Variants in PACS2 observed in about 807,000 individuals in gnomAD.
PACS2 encodes phosphofurin acidic cluster sorting protein 2.
In PACS2, 36 loss-of-function variants were observed where a neutral mutation model predicts 113.0. The ratio of observed to expected loss-of-function variants is 0.32; its 90% CI spans 0.24 to 0.42. PACS2 has a LOEUF of 0.42. PACS2 is among the 10% of genes least tolerant of loss of function. The pLI, the probability that PACS2 is intolerant of heterozygous loss-of-function variation, is 1.00. For synonymous variants in PACS2, 589 were observed against 536.1 expected, an observed-to-expected ratio of 1.10 and a Z score of -1.36; for missense variants, 1,015 against 1,239.5, an observed-to-expected ratio of 0.82 and a Z score of 2.72.
At chr14:105,375,817 G>A (rs1205592178) in intron 8 of PACS2, among the ~76,000 whole-genome samples, 3 of 152,200 alleles carry the variant, frequency 2.0e-5, no homozygotes, top group Admixed American at 6.5e-5. Context: ...CCACTCAGAC[G>A]TTCACAGCAG....
chr14:105,350,083 T>TTCCGGGAGCGCGTGGCTAATAGCA (rs1555403608), intron 2 of PACS2, among the ~76,000 whole-genome samples: 1 of 136,926 alleles, frequency 7.3e-6, no homozygotes, highest in African/African-American at 2.7e-5. Flanking sequence ...GATAGCAGGA[T>TTCCGGGAGCGCGTGGCTAATAGCA]GGAAGCGTCT....
At chr14:105,342,264 G>GTGTGTGTGTGTT (rs1566920040) in intron 1 of PACS2, among the ~76,000 whole-genome samples, 5 of 151,838 alleles carry the variant, frequency 3.3e-5, no homozygotes, top group African/African-American at 1.2e-4. Flanking sequence ...GTGTGTGTGT[G>GTGTGTGTGTGTT]TGTGTGTCTA....
At chr14:105,384,501 G>A in intron 17 of PACS2, 38 bp downstream of exon 17, 1 of 1,404,766 alleles carries the variant, frequency 7.1e-7, no homozygotes, top group Non-Finnish European at 1.0e-6. Context: ...CGCCACGGCG[G>A]GAGGAAGGGG....
chr14:105,393,178 G>A (rs373125119), intron 23 of PACS2, 44 bp from the exon 24 acceptor site: 26 of 1,495,474 alleles, frequency 1.7e-5, no homozygotes, highest in Middle Eastern at 1.7e-4. Context: ...CCCCAGCCCC[G>A]AAGGAGCAGC....
chr14:105,301,618 G>A (rs587732323), intron 1 of PACS2, among the ~76,000 whole-genome samples: 1 of 152,212 alleles, frequency 6.6e-6, no homozygotes. Context: ...CGCTCCGCTC[G>A]CCCAGGTTCC....
chr14:105,348,654 C>A lies in PACS2; in HGVS notation c.207+74C>A. 2 of 1,097,372 alleles carry A rather than the reference C, an allele frequency of 1.8e-6. No individual in the cohort carries two copies. Among genetic ancestry groups the A allele is most frequent in the Non-Finnish European group, 2.8e-6 (2 of 720,746 alleles). The allele number at this position is 1,097,372 out of a possible 1,614,324, so 68.0% of individuals were successfully genotyped here. A position where few individuals can be genotyped will look rare whatever the true frequency, so the allele number is the denominator to read the frequency against. On this transcript the variant is annotated intron_variant, in intron 2 of 24. Transcript: ENST00000447393. This position sits in a 1 kb window ranked among gnomAD's most constrained non-coding sequence, Gnocchi z 6.4. ...CCATGTGCCTGGGAGACGAGTCAGG[C>A]GGTGCGCTACTGTGGGGCCTTGTGC...
upstream of PACS2, among the ~76,000 whole-genome samples, chr14:105,309,776 C>CTTTTTT (rs928875653): frequency 1.1e-5 from 1 of 89,212 alleles, no homozygotes; most frequent in East Asian, 3.6e-4. The surrounding 1 kb of genome is among the most constrained non-coding windows in gnomAD (Gnocchi z 4.0). Flanking sequence ...TGATGTGTGT[C>CTTTTTT]TTTTTTTTTT....
In PACS2 at chr14:105,394,884, G is replaced by A. The variant is rs369247691; in HGVS notation, c.*212G>A. 304 of 541,852 alleles carry A rather than the reference G, an allele frequency of 5.6e-4. No homozygotes were observed. Among genetic ancestry groups the A allele is most frequent in the Non-Finnish European group, 4.8e-4 (144 of 298,910 alleles). 33.6% of individuals were successfully genotyped at this position (541,852 alleles called of 1,614,324 possible). ...GCTTATTAACCCGAACGTTCGGCCC[G>A]GGGCTGGGAAGCCAGAAGGACGATG... On this transcript the variant is annotated 3_prime_UTR_variant, in exon 25 of 25. Transcript: ENST00000447393.
intron 1 of PACS2, among the ~76,000 whole-genome samples, chr14:105,319,381 T>C (rs190042643): frequency 4.6e-5 from 7 of 152,366 alleles, no homozygotes; most frequent in African/African-American, 1.7e-4. Flanking sequence ...AGCTATTTAC[T>C]TAGGTCTTGA....
At chr14:105,344,692 C>T (rs1396587598) in intron 1 of PACS2, among the ~76,000 whole-genome samples, 2 of 152,142 alleles carry the variant, frequency 1.3e-5, no homozygotes, top group African/African-American at 2.4e-5. Context: ...TATTGATCTT[C>T]CCAAAGAACT....
intron 1 of PACS2, among the ~76,000 whole-genome samples, chr14:105,343,170 G>A (rs190111959): frequency 4.9e-4 from 75 of 152,230 alleles, no homozygotes; most frequent in African/African-American, 1.7e-3. Context: ...CTCTTGACAC[G>A]GGCGTCTCTC....
chr14:105,307,961 T>C (rs995340126), intron 1 of PACS2, among the ~76,000 whole-genome samples: 1 of 151,984 alleles, frequency 6.6e-6, no homozygotes. Context: ...GGTGGGAGGA[T>C]AGCTTGAGCC....
At chr14:105,304,992 C>T (rs1354579403) in intron 1 of PACS2, among the ~76,000 whole-genome samples, 1 of 152,186 alleles carries the variant, frequency 6.6e-6, no homozygotes, top group Non-Finnish European at 1.5e-5. Context: ...ATGTGTGTTC[C>T]CCCAAAGTCC....
In PACS2 at chr14:105,348,565, C is replaced by G; in HGVS notation, c.192C>G (p.Ile64Met). 6.2e-7 allele frequency: 1 copy of G among 1,611,380 alleles called. No individual in the cohort carries two copies. The highest frequency in any genetic ancestry group is 1.7e-4 in the Middle Eastern group (1 of 6,058). The change falls in exon 2 of 25, where the codon ATC (isoleucine) becomes ATG (methionine). Residue 64 changes from isoleucine (I) to methionine (M), a missense_variant. Physicochemically the swap from Ile to Met is conservative, Grantham distance 10. Transcript: ENST00000447393. This position sits in a 1 kb window ranked among gnomAD's most constrained non-coding sequence, Gnocchi z 6.4. Reference protein sequence around the residue: ...ELEKELISVVIAVKMQGSKRI... With the variant: ...ELEKELISVVMAVKMQGSKRI... ...AGAAGGAGCTGATCTCCGTGGTGAT[C>G]GCTGTCAAGATGCAGGTGAGGCCGC... is the stretch of plus-strand genomic sequence containing the variant.
intron 1 of PACS2, among the ~76,000 whole-genome samples, chr14:105,321,840 T>C (rs1231381939): frequency 1.3e-5 from 2 of 152,118 alleles, no homozygotes; most frequent in African/African-American, 4.8e-5. Flanking sequence ...TTAGCTATTT[T>C]TCTATCCTTT....
At chr14:105,349,099 C>T (rs1371953283) in intron 2 of PACS2, among the ~76,000 whole-genome samples, 5 of 152,112 alleles carry the variant, frequency 3.3e-5, no homozygotes, top group Non-Finnish European at 5.9e-5. Context: ...CTGGTGTCTT[C>T]CCCATGCCTG....
In PACS2 at chr14:105,357,327, A is replaced by C. The variant is rs1342812040; in HGVS notation, c.423+2150A>C. Among the ~76,000 whole-genome samples the C allele has an allele frequency of 6.7e-6, 1 of 149,854 alleles. No individual in the cohort carries two copies. The highest frequency in any genetic ancestry group is 1.5e-5 in the Non-Finnish European group (1 of 67,558). ...CTTGAAATCCCATCATCTGTTCTTC[A>C]CTCTTGGCAGAAAAGCCCCACCCCT... On this transcript the variant is annotated intron_variant, in intron 4 of 24. Transcript: ENST00000447393. The surrounding 1 kb of genome is among the most constrained non-coding windows in gnomAD (Gnocchi z 5.1).
Position 105,365,923 on chromosome 14 carries a change from G to A in PACS2, c.424-1290G>A, listed in dbSNP as rs2141133888. Among the ~76,000 whole-genome samples, 1 of 152,378 alleles carries A rather than the reference G, an allele frequency of 6.6e-6. No homozygotes were observed. The highest frequency in any genetic ancestry group is 6.5e-5 in the Admixed American group (1 of 15,302). ...ACGAGGGCGTCAGCAGTGGGTGCGA[G>A]TGTTGGCAGAAGCTGCCAGCTGCCC... On this transcript the variant is annotated intron_variant, in intron 4 of 24. Transcript: ENST00000447393. This position sits in a 1 kb window ranked among gnomAD's most constrained non-coding sequence, Gnocchi z 5.1.
rs1204837170 is a variant in PACS2, at chr14:105,323,942, G to A, written c.119+8905G>A. On this transcript the variant is annotated intron_variant, in intron 1 of 24. Transcript: ENST00000447393. The surrounding 1 kb of genome is among the most constrained non-coding windows in gnomAD (Gnocchi z 4.1). ...GGTGCGTGCACACCGCTCTGTCCGC[G>A]CAGGCTGTGCCCTGCTTTCAAGATG... Among the ~76,000 whole-genome samples the A allele has an allele frequency of 2.0e-5, 3 of 152,244 alleles. No homozygotes were observed. Among genetic ancestry groups the A allele is most frequent in the South Asian group, 2.1e-4 (1 of 4,838 alleles).
Sources: allele counts gnomAD v4.1 joint callset (sites outside exome capture counted in the v4.1 genomes callset), GRCh38; gene constraint gnomAD v4.1.1; non-coding constraint Gnocchi (gnomAD v3.1); transcripts MANE v1.5; gene names NCBI Gene and HGNC (gene_info 2026-07-23, HGNC 2026-07-21).